CCSER1: variants seen among roughly 807,000 people sequenced by gnomAD.
The protein encoded by CCSER1 is coiled-coil serine rich protein 1.
CCSER1 carries 41 observed loss-of-function variants against 82.0 expected under a neutral mutation model. The ratio of observed to expected loss-of-function variants is 0.50; its 90% CI spans 0.39 to 0.65. CCSER1 has a LOEUF of 0.65. Ranked by LOEUF, CCSER1 falls within the 30% of genes least tolerant of loss-of-function variation. The pLI, the probability that CCSER1 is intolerant of heterozygous loss-of-function variation, is 0.00. For synonymous variants in CCSER1, 414 were observed against 383.9 expected (o/e 1.08, Z -0.92); for missense variants, 1,119 against 1,064.2 (o/e 1.05, Z -0.72).
chr4:91,157,619 T>C (rs1183926631), intron 10 of CCSER1, among the ~76,000 whole-genome samples: 1 of 152,040 alleles, frequency 6.6e-6, no homozygotes, highest in African/African-American at 2.4e-5. Flanking sequence ...TATTTATATC[T>C]CCATCTATAT....
At chr4:90,227,552 T>C (rs759551217) in intron 1 of CCSER1, among the ~76,000 whole-genome samples, 21 of 152,214 alleles carry the variant, frequency 1.4e-4, no homozygotes, top group Non-Finnish European at 2.4e-4. Flanking sequence ...TGTATTCAGC[T>C]ATGAGGAATT....
chr4:90,403,397 G>A (rs1753190924), intron 4 of CCSER1, among the ~76,000 whole-genome samples: 3 of 149,890 alleles, frequency 2.0e-5, no homozygotes, highest in African/African-American at 7.3e-5. Context: ...TACTTGGGAG[G>A]CTGAGGCAGG....
intron 3 of CCSER1, among the ~76,000 whole-genome samples, chr4:90,396,042 C>T (rs1751908097): frequency 6.6e-6 from 1 of 152,126 alleles, no homozygotes; most frequent in African/African-American, 2.4e-5. Flanking sequence ...GATCGCACCC[C>T]TGCACTCCAG....
intron 3 of CCSER1, among the ~76,000 whole-genome samples, chr4:90,322,820 G>T (rs1192241993): frequency 6.6e-6 from 1 of 152,150 alleles, no homozygotes; most frequent in Non-Finnish European, 1.5e-5. Context: ...TGAGGGAGGG[G>T]TAATGTAAGT....
At chr4:90,826,632 G>A (rs570964466) in intron 8 of CCSER1, among the ~76,000 whole-genome samples, 4 of 152,102 alleles carry the variant, frequency 2.6e-5, no homozygotes, top group African/African-American at 9.7e-5. Context: ...AATTCAGGGG[G>A]ATTATGTGAT....
intron 7 of CCSER1, among the ~76,000 whole-genome samples, chr4:90,777,935 A>G (rs182624775): frequency 6.6e-6 from 1 of 152,310 alleles, no homozygotes; most frequent in East Asian, 1.9e-4. Flanking sequence ...GCTAGATTTG[A>G]TAATATGTTC....
intron 5 of CCSER1, among the ~76,000 whole-genome samples, chr4:90,486,701 T>C (rs1007103989): frequency 3.3e-5 from 5 of 152,216 alleles, no homozygotes; most frequent in Non-Finnish European, 5.9e-5. Flanking sequence ...TATTTTCCTC[T>C]TGATACATAG....
At chr4:90,286,497 C>G (rs1467024904) in intron 1 of CCSER1, among the ~76,000 whole-genome samples, 1 of 151,750 alleles carries the variant, frequency 6.6e-6, no homozygotes, top group African/African-American at 2.4e-5. Flanking sequence ...GATGGGGATG[C>G]TTTTTTATAA....
intron 1 of CCSER1, among the ~76,000 whole-genome samples, chr4:90,158,318 G>T (rs531440521): frequency 3.9e-5 from 6 of 152,292 alleles, no homozygotes; most frequent in African/African-American, 4.8e-5. Flanking sequence ...GCTGCTCGGG[G>T]GTCAGGGGTC....
At chr4:90,220,420 A>AT (rs750730620) in intron 1 of CCSER1, among the ~76,000 whole-genome samples, 11 of 149,382 alleles carry the variant, frequency 7.4e-5, no homozygotes, top group Admixed American at 2.0e-4. Flanking sequence ...CGCCTATGTG[A>AT]TTTTTTCCCC....
chr4:91,403,709 G>A (rs1216630784), intron 10 of CCSER1, among the ~76,000 whole-genome samples: 1 of 152,112 alleles, frequency 6.6e-6, no homozygotes, highest in African/African-American at 2.4e-5. Flanking sequence ...ATTGATTTGT[G>A]TATGTTGAAC....
intron 10 of CCSER1, among the ~76,000 whole-genome samples, chr4:91,392,870 A>G (rs1456688514): frequency 6.6e-6 from 1 of 152,100 alleles, no homozygotes; most frequent in African/African-American, 2.4e-5. Flanking sequence ...GATTCTCAAG[A>G]GTGCCTCAGA....
At chr4:91,527,055 T>C (rs1006492806) in intron 10 of CCSER1, among the ~76,000 whole-genome samples, 4 of 33,300 alleles carry the variant, frequency 1.2e-4, no homozygotes, top group African/African-American at 5.5e-4. Context: ...TTAAATAAAG[T>C]AAAGTATAAT....
intron 5 of CCSER1, among the ~76,000 whole-genome samples, chr4:90,529,947 A>AT (rs1420673713): frequency 8.1e-6 from 1 of 124,100 alleles, no homozygotes; most frequent in African/African-American, 3.8e-5. Flanking sequence ...ATATATATAT[A>AT]TATATTTTTT....
intron 5 of CCSER1, among the ~76,000 whole-genome samples, chr4:90,484,606 T>A (rs1266040978): frequency 6.6e-6 from 1 of 152,244 alleles, no homozygotes; most frequent in Non-Finnish European, 1.5e-5. Context: ...GACCCTCAGC[T>A]GCAGGTCTGT....
At chr4:90,352,666 CA>C (rs34070285) in intron 3 of CCSER1, among the ~76,000 whole-genome samples, 102,098 of 149,806 alleles carry the variant, frequency 0.68, 36,481 homozygotes, top group African/African-American at 0.92. Flanking sequence ...TCTCAAAAAA[CA>C]AAAAAAAAAC....
At chr4:90,936,005 A>G (rs1730887091) in intron 9 of CCSER1, among the ~76,000 whole-genome samples, 1 of 152,038 alleles carries the variant, frequency 6.6e-6, no homozygotes, top group Admixed American at 6.5e-5. Flanking sequence ...TTTTTATAAT[A>G]ATAAAATATA....
intron 8 of CCSER1, among the ~76,000 whole-genome samples, chr4:90,883,154 T>C (rs1422420559): frequency 2.0e-5 from 3 of 151,942 alleles, no homozygotes; most frequent in Admixed American, 6.6e-5. Flanking sequence ...CACCATATTA[T>C]GCTGTTTCAC....
intron 5 of CCSER1, among the ~76,000 whole-genome samples, chr4:90,518,437 T>C (rs1772579810): frequency 6.6e-6 from 1 of 152,070 alleles, no homozygotes; most frequent in Non-Finnish European, 1.5e-5. Context: ...ATATTAACAA[T>C]AGAGTTTTAA....
Sources: allele counts gnomAD v4.1 joint callset (sites outside exome capture counted in the v4.1 genomes callset), GRCh38; gene constraint gnomAD v4.1.1; transcripts MANE v1.5; gene names NCBI Gene and HGNC (gene_info 2026-07-23, HGNC 2026-07-21).